The following VWA8 variants were observed in gnomAD, a reference collection of about 807,000 sequenced individuals.
The protein encoded by VWA8 is von Willebrand factor A domain containing 8.
VWA8 carries 221 observed loss-of-function variants against 241.5 expected under a neutral mutation model. The observed-to-expected ratio is 0.91, with a 90% CI of 0.82 to 1.02. The LOEUF is 1.02. Ranked by LOEUF, VWA8 falls within the 50% of genes least tolerant of loss-of-function variation. The pLI, the probability that VWA8 is intolerant of heterozygous loss-of-function variation, is 0.00. For missense variants in VWA8, 2,322 were observed against 2,328.7 expected, an observed-to-expected ratio of 1.00 and a Z score of 0.06; for synonymous variants, 852 against 827.1, an observed-to-expected ratio of 1.03 and a Z score of -0.52.
At position 41,677,953 on chromosome 13, in the gene VWA8, C is replaced by T. The variant is rs552391086; in HGVS notation, c.4328-2657G>A. Reference sequence around the variant, plus strand: ...TGTAGTTGAAGGTTTTTAAATAGGCCAGCTGAAAAACTCGACATATCTCCT... The same window carrying T: ...TGTAGTTGAAGGTTTTTAAATAGGCTAGCTGAAAAACTCGACATATCTCCT... On this transcript the variant is annotated intron_variant, in intron 35 of 44. Transcript: ENST00000379310. Among the ~76,000 whole-genome samples, 16 of 152,162 alleles carry T rather than the reference C, an allele frequency of 1.1e-4. No individual in the cohort carries two copies. The South Asian group carries it at 2.9e-3, about 28-fold the overall frequency.
intron 14 of VWA8, among the ~76,000 whole-genome samples, chr13:41,828,229 G>T (rs1221505492): frequency 6.6e-6 from 1 of 152,060 alleles, no homozygotes. Flanking sequence ...AAAATTCCAA[G>T]AAATTTTTTA....
chr13:41,883,851 C>A (rs1011532110), intron 8 of VWA8, among the ~76,000 whole-genome samples: 3 of 152,168 alleles, frequency 2.0e-5, no homozygotes, highest in Non-Finnish European at 4.4e-5. Context: ...CATGTCTCTA[C>A]CTTATTCATC....
At chr13:41,703,540 T>C in intron 26 of VWA8, 129 bp from the exon 27 acceptor site, 1 of 676,138 alleles carries the variant, frequency 1.5e-6, no homozygotes, top group Non-Finnish European at 2.5e-6. Flanking sequence ...GAGTTATACA[T>C]CATTTTATTA....
rs112363379 is a variant in VWA8 at position 41,741,386 on chromosome 13, G to A, written c.2427-9231C>T. On this transcript the variant is annotated intron_variant, in intron 21 of 44. Coordinates refer to ENST00000379310, the MANE Select transcript of VWA8 (RefSeq NM_015058.2). ...CTGCAAAGTTTTCTCTTCCCTTTCC[G>A]CCACTTTTTATGATAAATGGTTATG... Among the ~76,000 whole-genome samples, 566 of 152,026 alleles carry A rather than the reference G, an allele frequency of 3.7e-3. 3 individuals carry two copies. The highest frequency in any genetic ancestry group is 0.013 in the African/African-American group (534 of 41,468).
chr13:41,834,334 C>A (rs777195847), intron 12 of VWA8, among the ~76,000 whole-genome samples: 2 of 152,034 alleles, frequency 1.3e-5, no homozygotes, highest in African/African-American at 4.8e-5. Context: ...ACATTTTGTG[C>A]GACTTATAGC....
intron 4 of VWA8, among the ~76,000 whole-genome samples, chr13:41,897,030 G>A (rs1304184543): frequency 6.6e-6 from 1 of 152,016 alleles, no homozygotes; most frequent in Admixed American, 6.6e-5. Context: ...AAAAATTGTG[G>A]TAATTCAATA....
chr13:41,759,053 GATTTGTTAAC>G (rs1231252568), intron 21 of VWA8, among the ~76,000 whole-genome samples: 1 of 151,368 alleles, frequency 6.6e-6, no homozygotes. Context: ...TGTTGAATTT[GATTTGTTAAC>G]ATTTGTTAAA....
At chr13:41,883,092 T>C (rs1328230917) in intron 9 of VWA8, among the ~76,000 whole-genome samples, 1 of 152,196 alleles carries the variant, frequency 6.6e-6, no homozygotes, top group Admixed American at 6.5e-5. Flanking sequence ...ATAACTCTTA[T>C]TATCCTTAAT....
At chr13:41,649,999 GC>G (rs1205229506) in intron 37 of VWA8, among the ~76,000 whole-genome samples, 1 of 152,092 alleles carries the variant, frequency 6.6e-6, no homozygotes, top group Admixed American at 6.6e-5. Flanking sequence ...CCTAGTATTA[GC>G]CCCTCCCCTT....
At chr13:41,905,571 CA>C (rs1374537774) in intron 4 of VWA8, among the ~76,000 whole-genome samples, 1 of 151,988 alleles carries the variant, frequency 6.6e-6, no homozygotes, top group Non-Finnish European at 1.5e-5. Flanking sequence ...ATCTATACTA[CA>C]GTGCAATAAA....
intron 1 of VWA8, among the ~76,000 whole-genome samples, chr13:41,952,903 A>C (rs1878199593): frequency 6.6e-6 from 1 of 152,144 alleles, no homozygotes; most frequent in African/African-American, 2.4e-5. Flanking sequence ...TAGGACTAGC[A>C]ATAACAGAAA....
Position 41,759,329 on chromosome 13 carries a change from G to A in VWA8, c.2426+1799C>T, listed in dbSNP as rs532636905. 1.2e-4 allele frequency among the ~76,000 whole-genome samples: 18 copies of A among 151,460 alleles called. No individual in the cohort carries two copies. The South Asian group carries it at 1.7e-3, about 14-fold the overall frequency. On this transcript the variant is annotated intron_variant, in intron 21 of 44. Transcript: ENST00000379310. ...ATCATTGTTCCCCTATAGGTAATAC[G>A]TCTTTTTTCCTCTGGTAATTTTAAA...
chr13:41,756,273 A>G (rs1039584118), intron 21 of VWA8, among the ~76,000 whole-genome samples: 2 of 151,826 alleles, frequency 1.3e-5, no homozygotes, highest in African/African-American at 4.8e-5. Context: ...GCCTGCTTAT[A>G]AAGATAATGG....
chr13:41,640,690 G>T (rs187805465), intron 37 of VWA8, among the ~76,000 whole-genome samples: 24 of 152,192 alleles, frequency 1.6e-4, no homozygotes, highest in Admixed American at 1.2e-3. Context: ...TAAAACTGGG[G>T]CTTCTATCCA....
intron 42 of VWA8, among the ~76,000 whole-genome samples, chr13:41,582,602 T>C (rs930632061): frequency 6.6e-6 from 1 of 152,208 alleles, no homozygotes; most frequent in African/African-American, 2.4e-5. Context: ...TAGGAGCTCC[T>C]CAAACTGTCT....
At chr13:41,959,606 C>CTTTTTTTTTTTTTTTTTTTTTTT (rs1168629617) in intron 1 of VWA8, among the ~76,000 whole-genome samples, 1 of 79,638 alleles carries the variant, frequency 1.3e-5, no homozygotes, top group Non-Finnish European at 2.3e-5. Flanking sequence ...CCTAAATATG[C>CTTTTTTTTTTTTTTTTTTTTTTT]TTTTTTTTTT....
chr13:41,883,034 C>T (rs1315806897), intron 9 of VWA8, among the ~76,000 whole-genome samples: 1 of 152,062 alleles, frequency 6.6e-6, no homozygotes, highest in East Asian at 1.9e-4. Context: ...TTTTTTCTTG[C>T]CTTCCCCCTT....
chr13:41,851,510 T>A (rs2138030064), intron 12 of VWA8, among the ~76,000 whole-genome samples: 1 of 152,346 alleles, frequency 6.6e-6, no homozygotes, highest in Non-Finnish European at 1.5e-5. Context: ...AATTGAATCA[T>A]GGAGCCTGGT....
intron 18 of VWA8, among the ~76,000 whole-genome samples, chr13:41,784,720 A>ATATATATATAT (rs1869083977): frequency 1.3e-5 from 1 of 76,576 alleles, no homozygotes; most frequent in African/African-American, 4.0e-5. Context: ...ATATATATAT[A>ATATATATATAT]TATATATATA....
Sources: gnomAD v4.1 joint callset for allele counts (sites outside exome capture counted in the v4.1 genomes callset) on GRCh38, gnomAD v4.1.1 for gene constraint, MANE v1.5 for transcripts, NCBI Gene and HGNC (gene_info 2026-07-23, HGNC 2026-07-21) for gene names.